PTK2: variants seen among roughly 807,000 people sequenced by gnomAD.
PTK2 encodes the protein focal adhesion kinase 1.
Under a neutral mutation model 150.1 loss-of-function variants are expected in PTK2, and 45 were observed. The ratio of observed to expected loss-of-function variants is 0.30; its 90% CI spans 0.24 to 0.38. The LOEUF (loss-of-function observed/expected upper bound fraction) is 0.38, where lower values mean the gene tolerates loss of function less well. PTK2 is among the 10% of genes least tolerant of loss of function. The pLI, the probability that PTK2 is intolerant of heterozygous loss-of-function variation, is 1.00. For synonymous variants in PTK2, 432 were observed against 449.2 expected, an observed-to-expected ratio of 0.96 and a Z score of 0.48; for missense variants, 919 against 1,307.3, an observed-to-expected ratio of 0.70 and a Z score of 4.58.
exon 29 of PTK2, chr8:140,674,314 T>C: frequency 6.2e-7 from 1 of 1,606,396 alleles, no homozygotes; most frequent in East Asian, 2.2e-5. Context: ...ACCCTCGTTG[T>C]AGCTGTCAGC....
chr8:140,781,495 T>C (rs911205521), intron 14 of PTK2, among the ~76,000 whole-genome samples: 2 of 152,176 alleles, frequency 1.3e-5, no homozygotes, highest in African/African-American at 4.8e-5. Flanking sequence ...TGGGAGAAGA[T>C]GGGAATACTC....
rs1364107611 is a variant in PTK2 at position 140,852,646 on chromosome 8, C to T, written c.451-5968G>A. Among the ~76,000 whole-genome samples, 4 of 152,072 alleles carry T rather than the reference C, an allele frequency of 2.6e-5. No individual in the cohort carries two copies. In the East Asian group the frequency reaches 7.7e-4, roughly 29 times the overall value. On this transcript the variant is annotated intron_variant, in intron 5 of 31. Coordinates refer to ENST00000522684, the Ensembl canonical transcript of PTK2. The stretch of plus-strand genomic sequence containing the variant: ...GTATGTAAATTATACCTCAATAAAA[C>T]AAATTTTGTATTTTAAAATGTGTAT...
chr8:140,796,263 A>C (rs2100091538), intron 12 of PTK2, among the ~76,000 whole-genome samples: 1 of 152,232 alleles, frequency 6.6e-6, no homozygotes, highest in African/African-American at 2.4e-5. Flanking sequence ...ACTGCACATC[A>C]TAGGAATTCA....
intron 21 of PTK2, among the ~76,000 whole-genome samples, chr8:140,736,091 C>G (rs932881629): frequency 6.6e-6 from 1 of 152,210 alleles, no homozygotes; most frequent in African/African-American, 2.4e-5. Flanking sequence ...CTTGGGAAAT[C>G]CAATACTTTC....
At chr8:140,746,829 A>G (rs762689431) in exon 18 of PTK2, 1 of 1,613,316 alleles carries the variant, frequency 6.2e-7, no homozygotes, top group Non-Finnish European at 8.5e-7. Flanking sequence ...TCAGCTTCAC[A>G]ATATGAGGAT....
intron 2 of PTK2, among the ~76,000 whole-genome samples, chr8:140,897,604 G>T (rs2100156805): frequency 6.6e-6 from 1 of 152,170 alleles, no homozygotes; most frequent in Non-Finnish European, 1.5e-5. Flanking sequence ...TGGCATCTGG[G>T]TCACCTCTTT....
chr8:140,703,903 A>G (rs2100032216), intron 24 of PTK2, among the ~76,000 whole-genome samples: 1 of 152,212 alleles, frequency 6.6e-6, no homozygotes, highest in African/African-American at 2.4e-5. Context: ...GATAAAGCAC[A>G]GCCAAAACCG....
intron 23 of PTK2, among the ~76,000 whole-genome samples, chr8:140,717,142 G>C (rs906152903): frequency 6.6e-6 from 1 of 152,110 alleles, no homozygotes; most frequent in African/African-American, 2.4e-5. Flanking sequence ...AGCTACGAAA[G>C]AAAAAGGCAA....
intron 2 of PTK2, among the ~76,000 whole-genome samples, chr8:140,891,864 C>A (rs2100154365): frequency 6.6e-6 from 1 of 152,198 alleles, no homozygotes; most frequent in African/African-American, 2.4e-5. Flanking sequence ...CAGCTGGGTG[C>A]AGAAGCAAAG....
chr8:140,899,315 G>C (rs1464052768), intron 2 of PTK2, among the ~76,000 whole-genome samples: 2 of 152,058 alleles, frequency 1.3e-5, no homozygotes, highest in Non-Finnish European at 2.9e-5. Context: ...GATTCCCTCG[G>C]TTTTCTTGGA....
intron 10 of PTK2, among the ~76,000 whole-genome samples, chr8:140,816,782 A>C (rs907582354): frequency 3.9e-5 from 6 of 152,210 alleles, no homozygotes; most frequent in African/African-American, 1.4e-4. Context: ...AAAATGGAAA[A>C]ATTAAAAGAG....
chr8:140,774,353 A>T (rs1454176851), intron 14 of PTK2, among the ~76,000 whole-genome samples: 1 of 152,218 alleles, frequency 6.6e-6, no homozygotes, highest in Non-Finnish European at 1.5e-5. Flanking sequence ...ACTTCTCTAC[A>T]CATTTAGATA....
chr8:140,675,512 A>G lies in PTK2; in HGVS notation c.2563-13T>C. 1 of 1,597,420 alleles carries G rather than the reference A, an allele frequency of 6.3e-7. No homozygotes were observed. The highest frequency in any genetic ancestry group is 1.3e-5 in the African/African-American group (1 of 74,672). On this transcript the variant is annotated splice_polypyrimidine_tract_variant and intron_variant, in intron 27 of 31. Transcript: ENST00000522684. ...GTTGGTTTCCAATCTGTGGGAAAAG[A>G]AAAGTTCAGTCAATGCACTGGTATA...
In PTK2 at chr8:140,902,924, GTTTTTTTTTTT is replaced by G. The variant is rs61261890; in HGVS notation, c.-32-12166_-32-12156del. ...TTGCCTGTTCACTCTGATGAGAGTT[GTTTTTTTTTTT>G]TTTTTTTTTTTTTTTTTTTTTTTTG... On this transcript the variant is annotated intron_variant, in intron 2 of 31. Coordinates refer to ENST00000522684, the Ensembl canonical transcript of PTK2. Among the ~76,000 whole-genome samples, 12 of 58,962 alleles carry G rather than the reference GTTTTTTTTTTT, an allele frequency of 2.0e-4. No individual in the cohort carries two copies. In the South Asian group the frequency reaches 2.3e-3, roughly 11 times the overall value. The allele number at this position is 58,962 out of a possible 152,430, so 38.7% of individuals were successfully genotyped here.
At chr8:140,928,264 A>T (rs978482254) in intron 1 of PTK2, among the ~76,000 whole-genome samples, 3 of 152,068 alleles carry the variant, frequency 2.0e-5, no homozygotes, top group Non-Finnish European at 4.4e-5. Context: ...AACCAACCTA[A>T]CACCCATTAT....
chr8:140,674,777 T>C (rs1315869445), intron 28 of PTK2, among the ~76,000 whole-genome samples: 1 of 151,330 alleles, frequency 6.6e-6, no homozygotes, highest in African/African-American at 2.4e-5. Context: ...CTGAGCACAG[T>C]GGCTCACGCC....
Position 140,955,294 on chromosome 8 carries a change from T to C in PTK2, c.-121-29545A>G, listed in dbSNP as rs183198546. Among the ~76,000 whole-genome samples the C allele has an allele frequency of 5.9e-5, 9 of 152,306 alleles. No individual in the cohort carries two copies. In the East Asian group the frequency reaches 7.7e-4, roughly 13 times the overall value. On this transcript the variant is annotated intron_variant, in intron 1 of 31. Transcript: ENST00000522684. The stretch of plus-strand genomic sequence containing the variant: ...GGTCTTTCCCGTGTTCTTCTCATGA[T>C]AGCAAATAAGTCTCACAAGATCTGA...
chr8:140,977,560 T>G (rs912686739), intron 1 of PTK2, among the ~76,000 whole-genome samples: 3 of 150,020 alleles, frequency 2.0e-5, no homozygotes, highest in African/African-American at 7.4e-5. Flanking sequence ...AGGCGGAGGT[T>G]GCAGTGAGAC....
At chr8:140,725,830 C>T (rs1179303684) in intron 22 of PTK2, among the ~76,000 whole-genome samples, 2 of 145,876 alleles carry the variant, frequency 1.4e-5, no homozygotes, top group Admixed American at 6.9e-5. Flanking sequence ...TATAATCTAA[C>T]ATTCCTTGAT....
Sources: gnomAD v4.1 joint callset for allele counts (sites outside exome capture counted in the v4.1 genomes callset) on GRCh38, gnomAD v4.1.1 for gene constraint, MANE v1.5 for transcripts, NCBI Gene and HGNC (gene_info 2026-07-23, HGNC 2026-07-21) for gene names.